The following IARS1 variants were observed in gnomAD, a reference collection of about 807,000 sequenced individuals.
IARS1 encodes isoleucyl-tRNA synthetase 1.
In IARS1, 124 loss-of-function variants were observed where a neutral mutation model predicts 168.2. The observed-to-expected ratio is 0.74, with a 90% CI of 0.64 to 0.86. The LOEUF is 0.86. IARS1 is among the 40% of genes least tolerant of loss of function. IARS1 has a pLI of 0.00. For missense variants in IARS1, 1,452 were observed against 1,515.8 expected (o/e 0.96, Z 0.70); for synonymous variants, 532 against 529.4 (o/e 1.00, Z -0.07).
chr9:92,231,342 A>C (rs922160118), intron 30 of IARS1, among the ~76,000 whole-genome samples: 6 of 152,164 alleles, frequency 3.9e-5, no homozygotes, highest in African/African-American at 1.4e-4. Context: ...ATGAAAGCTA[A>C]GAAATCTGCT....
chr9:92,286,894 T>A (rs1402243422), intron 4 of IARS1, among the ~76,000 whole-genome samples: 1 of 152,184 alleles, frequency 6.6e-6, no homozygotes, highest in African/African-American at 2.4e-5. Flanking sequence ...ACAGGCATAA[T>A]TATTACTGGC....
chr9:92,228,090 T>C (rs944280098), intron 31 of IARS1, among the ~76,000 whole-genome samples: 2 of 152,192 alleles, frequency 1.3e-5, no homozygotes, highest in African/African-American at 2.4e-5. Context: ...TCCCGGCACC[T>C]CAGGAGGCCA....
intron 9 of IARS1, 100 bp downstream of exon 9, chr9:92,277,755 GATTCAGGT>G (rs1833970244): frequency 6.2e-6 from 5 of 803,308 alleles, no homozygotes; most frequent in Admixed American, 3.0e-5. Context: ...AGACTTTCTG[GATTCAGGT>G]ACACTCATAA....
chr9:92,225,506 C>T (rs1219782767), intron 31 of IARS1, among the ~76,000 whole-genome samples: 1 of 151,330 alleles, frequency 6.6e-6, no homozygotes, highest in Non-Finnish European at 1.5e-5. Context: ...GATAAGGTAA[C>T]TTTCTATCTC....
chr9:92,271,683 A>C (rs1365985366), intron 10 of IARS1, 28 bp from the exon 11 acceptor site: 1 of 1,612,952 alleles, frequency 6.2e-7, no homozygotes, highest in Non-Finnish European at 8.5e-7. Flanking sequence ...AGAGGGAAGA[A>C]TAAAACAGTC....
intron 10 of IARS1, among the ~76,000 whole-genome samples, chr9:92,273,811 C>T (rs1833424761): frequency 6.6e-6 from 1 of 152,216 alleles, no homozygotes; most frequent in Non-Finnish European, 1.5e-5. Flanking sequence ...ACAAAACGAT[C>T]AAGCCTAGAG....
chr9:92,282,860 ATTTT>A (rs35959111), intron 6 of IARS1, among the ~76,000 whole-genome samples: 8 of 132,850 alleles, frequency 6.0e-5, no homozygotes, highest in South Asian at 2.4e-4. Context: ...ATATATATAT[ATTTT>A]TTTTTTTTGA....
At chr9:92,288,898 A>G (rs1835873027) in intron 2 of IARS1, among the ~76,000 whole-genome samples, 1 of 152,180 alleles carries the variant, frequency 6.6e-6, no homozygotes, top group Non-Finnish European at 1.5e-5. Context: ...TTCTGGGAAT[A>G]GAAAGATTAA....
At chr9:92,227,477 C>A (rs1160468097) in intron 31 of IARS1, among the ~76,000 whole-genome samples, 1 of 148,930 alleles carries the variant, frequency 6.7e-6, no homozygotes, top group Non-Finnish European at 1.5e-5. Context: ...GCTGGCCAGG[C>A]AGAGAGGCTC....
chr9:92,253,376 G>A lies in IARS1; in HGVS notation c.2215C>T (p.Arg739Cys), dbSNP rs747311061. 5 of 1,611,118 alleles carry A rather than the reference G, an allele frequency of 3.1e-6. No homozygotes were observed. Among genetic ancestry groups the A allele is most frequent in the South Asian group, 2.2e-5 (2 of 90,982 alleles). ...TCTGCACTTACCTTTAATCTTCTGCGGTTCATTCTAACATACCAATTGGTC... is the reference window on the plus strand; with the variant it reads ...TCTGCACTTACCTTTAATCTTCTGCAGTTCATTCTAACATACCAATTGGTC... ...ILTNWYVRMN[R>C]RRLKGENGME... Residue 739 changes from arginine to cysteine, a missense_variant, in exon 21 of 34, where the codon CGC becomes TGC. Coordinates refer to ENST00000443024, the MANE Select transcript of IARS1 (RefSeq NM_002161.6).
rs142056692 is a variant in IARS1, at chr9:92,285,990, G to A, written c.480-151C>T. The A allele has an allele frequency of 5.2e-4, 301 of 576,942 alleles. 6 individuals are homozygous for A. In the East Asian group the frequency reaches 8.4e-3, roughly 16 times the overall value. The allele number at this position is 576,942 out of a possible 1,614,324, so 35.7% of individuals were successfully genotyped here. A position where few individuals can be genotyped will look rare whatever the true frequency, so the allele number is the denominator to read the frequency against. On this transcript the variant is annotated intron_variant, in intron 5 of 33. Coordinates refer to ENST00000443024, the MANE Select transcript of IARS1 (RefSeq NM_002161.6). ...GGAGACTGGCTGGTAAATTATAACA[G>A]ATCAATATAGTAAGACATCAGGCAG...
chr9:92,286,164 C>G (rs1017667415), intron 5 of IARS1: 10 of 277,316 alleles, frequency 3.6e-5, no homozygotes, highest in Non-Finnish European at 6.2e-5. Flanking sequence ...GTCAGAAGTT[C>G]GAGACCACCC....
At chr9:92,287,299 C>A (rs187161766) in intron 4 of IARS1, 1 of 153,876 alleles carries the variant, frequency 6.5e-6, no homozygotes, top group Admixed American at 6.5e-5. Context: ...ACTAAAAAGA[C>A]ATGACAACCA....
At chr9:92,235,146 G>A (rs1316737068) in intron 30 of IARS1, among the ~76,000 whole-genome samples, 1 of 152,072 alleles carries the variant, frequency 6.6e-6, no homozygotes, top group Non-Finnish European at 1.5e-5. Flanking sequence ...TTTTTCAGGT[G>A]TTTGTATGTA....
rs1326658731 is a variant in IARS1, at chr9:92,240,944, C to T, written c.3195G>A (p.Leu1065=). 6.2e-7 allele frequency: 1 copy of T among 1,610,878 alleles called. No homozygotes were observed. Among genetic ancestry groups the T allele is most frequent in the South Asian group, 1.1e-5 (1 of 90,912 alleles). Residue 1065 remains leucine, a synonymous_variant, in exon 30 of 34, where the codon CTG becomes CTA. Coordinates refer to ENST00000443024, the MANE Select transcript of IARS1 (RefSeq NM_002161.6). ...QEKTQLKGSE[L]EITLTRGSSL... ...AAGATCCTCTGGTGAGTGTAATTTCCAGTTCAGATCCCTTCAACTGAGCAC... is the reference window on the plus strand; with the variant it reads ...AAGATCCTCTGGTGAGTGTAATTTCTAGTTCAGATCCCTTCAACTGAGCAC...
rs1168720336 is a variant in IARS1 at position 92,210,606 on chromosome 9, A to C, written c.*201T>G. 4 of 515,122 alleles carry C rather than the reference A, an allele frequency of 7.8e-6. No homozygotes were observed. The highest frequency in any genetic ancestry group is 5.9e-5 in the South Asian group (2 of 33,872). 31.9% of individuals were successfully genotyped at this position (515,122 alleles called of 1,614,324 possible). ...TCCCAACATGACTGCATAGGTGTCT[A>C]AGGTTAAGTGTGAAGATTACTGTGA... On this transcript the variant is annotated 3_prime_UTR_variant, in exon 34 of 34. Coordinates refer to ENST00000443024, the MANE Select transcript of IARS1 (RefSeq NM_002161.6).
At chr9:92,278,025 C>T (rs1348695006) in intron 8 of IARS1, 102 bp from the exon 9 acceptor site, 1 of 1,197,968 alleles carries the variant, frequency 8.3e-7, no homozygotes, top group East Asian at 2.3e-5. Context: ...GCTTCTTAGC[C>T]CTAGCCATTC....
intron 33 of IARS1, among the ~76,000 whole-genome samples, chr9:92,214,500 T>C (rs981331600): frequency 3.9e-5 from 6 of 152,128 alleles, no homozygotes; most frequent in Admixed American, 6.5e-5. Flanking sequence ...TGAATTTCCA[T>C]CTGAGGTACC....
At chr9:92,244,902 T>C (rs1828955807) in intron 27 of IARS1, 57 bp downstream of exon 27, 2 of 1,381,562 alleles carry the variant, frequency 1.4e-6, no homozygotes, top group South Asian at 2.3e-5. Flanking sequence ...GCAAATACTT[T>C]CTCCTCTTAT....
Sources: allele counts gnomAD v4.1 joint callset (sites outside exome capture counted in the v4.1 genomes callset), GRCh38; gene constraint gnomAD v4.1.1; transcripts MANE v1.5; gene names NCBI Gene and HGNC (gene_info 2026-07-23, HGNC 2026-07-21).